Variants in GALNT7 observed in about 807,000 individuals in gnomAD.
The protein encoded by GALNT7 is N-acetylgalactosaminyltransferase 7.
Under a neutral mutation model 82.1 loss-of-function variants are expected in GALNT7, and 60 were observed. That is an observed-to-expected ratio of 0.73 (90% CI 0.59 to 0.91). The LOEUF (loss-of-function observed/expected upper bound fraction) is 0.91. Among genes scored for constraint, GALNT7 ranks in the 40% least tolerant of loss-of-function variants. GALNT7 has a pLI of 0.00. For missense variants in GALNT7, 660 were observed against 804.2 expected (o/e 0.82, Z 2.17); for synonymous variants, 243 against 275.1 (o/e 0.88, Z 1.15).
chr4:173,263,822 A>G (rs1007517134), intron 2 of GALNT7, among the ~76,000 whole-genome samples: 1 of 152,184 alleles, frequency 6.6e-6, no homozygotes, highest in African/African-American at 2.4e-5. Context: ...AGTTGTCCAT[A>G]TTTTTTAAAG....
rs1002999828 is a variant in GALNT7, at chr4:173,322,828, A to T, written c.*1111A>T. 1.3e-5 allele frequency: 2 copies of T among 152,132 alleles called. No homozygotes were observed. The highest frequency in any genetic ancestry group is 4.8e-5 in the African/African-American group (2 of 41,446). The allele number at this position is 152,132 out of a possible 1,614,324, so 9.4% of individuals were successfully genotyped here. On this transcript the variant is annotated 3_prime_UTR_variant, in exon 12 of 12. Coordinates refer to ENST00000265000, the MANE Select transcript of GALNT7 (RefSeq NM_017423.3). The stretch of plus-strand genomic sequence containing the variant: ...GATGTTTCATTTATATTTTCATCCA[A>T]ATGACATTATCTGCACGTTTTTAAA...
At chr4:173,172,241 T>C (rs1268751548) in intron 1 of GALNT7, among the ~76,000 whole-genome samples, 1 of 152,188 alleles carries the variant, frequency 6.6e-6, no homozygotes, top group Admixed American at 6.5e-5. Flanking sequence ...ATTCTTCCCT[T>C]GGGGTGGGCT....
chr4:173,254,566 A>C (rs1290746099), intron 2 of GALNT7, among the ~76,000 whole-genome samples: 1 of 152,216 alleles, frequency 6.6e-6, no homozygotes, highest in Non-Finnish European at 1.5e-5. Context: ...AAATATTTAG[A>C]ATATATAGAA....
intron 1 of GALNT7, among the ~76,000 whole-genome samples, chr4:173,201,670 A>C (rs1337762779): frequency 6.6e-6 from 1 of 152,212 alleles, no homozygotes; most frequent in Non-Finnish European, 1.5e-5. Context: ...GCAACAGGTG[A>C]TATCAGAGAG....
At chr4:173,294,925 T>A (rs1736665093) in intron 3 of GALNT7, among the ~76,000 whole-genome samples, 1 of 152,224 alleles carries the variant, frequency 6.6e-6, no homozygotes, top group South Asian at 2.1e-4. Context: ...CAACACTGAT[T>A]GTGGTTGGGG....
At chr4:173,176,309 T>C (rs1193803041) in intron 1 of GALNT7, among the ~76,000 whole-genome samples, 1 of 152,142 alleles carries the variant, frequency 6.6e-6, no homozygotes, top group East Asian at 1.9e-4. Context: ...TTGGAGGTAG[T>C]ACAGTACGGG....
At chr4:173,266,998 G>A (rs1460144357) in intron 2 of GALNT7, among the ~76,000 whole-genome samples, 1 of 150,486 alleles carries the variant, frequency 6.6e-6, no homozygotes, top group East Asian at 2.0e-4. Context: ...GAAGGAATAA[G>A]TTCTAATGGT....
At chr4:173,313,675 T>G (rs1024612400) in intron 8 of GALNT7, among the ~76,000 whole-genome samples, 4 of 151,954 alleles carry the variant, frequency 2.6e-5, no homozygotes, top group African/African-American at 9.7e-5. Flanking sequence ...AATTTATTCT[T>G]CTGTTAGCAG....
intron 2 of GALNT7, among the ~76,000 whole-genome samples, chr4:173,263,701 C>A (rs1253583332): frequency 6.6e-6 from 1 of 151,824 alleles, no homozygotes; most frequent in Admixed American, 6.6e-5. Context: ...GGGAACAAAA[C>A]CCAAGGGTTC....
intron 1 of GALNT7, among the ~76,000 whole-genome samples, chr4:173,209,750 C>T (rs181139726): frequency 2.8e-4 from 43 of 152,362 alleles, no homozygotes; most frequent in Admixed American, 1.4e-3. Flanking sequence ...GTCTATCCTT[C>T]GCCTGCCTGC....
chr4:173,248,775 AT>A (rs1734750888), intron 2 of GALNT7, among the ~76,000 whole-genome samples: 1 of 152,158 alleles, frequency 6.6e-6, no homozygotes, highest in South Asian at 2.1e-4. Flanking sequence ...ACTATTAAAT[AT>A]TTTGTTTAGT....
chr4:173,218,843 C>A lies in GALNT7; in HGVS notation c.127-29137C>A, dbSNP rs144649298. On this transcript the variant is annotated intron_variant, in intron 1 of 11. Transcript: ENST00000265000. The stretch of plus-strand genomic sequence containing the variant: ...TTTATTCAACCAGCATTTATTGACC[C>A]CCTGCTGGTTCTGGGTTTCCTCTCA... Among the ~76,000 whole-genome samples, 402 of 152,210 alleles carry A rather than the reference C, an allele frequency of 2.6e-3. 3 individuals carry two copies. Among genetic ancestry groups the A allele is most frequent in the African/African-American group, 9.1e-3 (377 of 41,514 alleles).
intron 8 of GALNT7, among the ~76,000 whole-genome samples, chr4:173,310,544 T>G (rs948017446): frequency 2.0e-5 from 3 of 152,200 alleles, no homozygotes; most frequent in Non-Finnish European, 4.4e-5. Context: ...TTAAAACGTT[T>G]TTATGGTTGT....
chr4:173,204,859 CTCTT>C (rs1388302637), intron 1 of GALNT7, among the ~76,000 whole-genome samples: 3 of 152,090 alleles, frequency 2.0e-5, no homozygotes, highest in African/African-American at 4.8e-5. Context: ...GGTATTATGT[CTCTT>C]TGTTTTTCAT....
chr4:173,227,660 T>G (rs1733880395), intron 1 of GALNT7, among the ~76,000 whole-genome samples: 1 of 152,192 alleles, frequency 6.6e-6, no homozygotes, highest in Non-Finnish European at 1.5e-5. Flanking sequence ...TGTGTGCCTC[T>G]TCACATAGAG....
chr4:173,321,556 C>T lies in GALNT7; in HGVS notation c.1837-24C>T, dbSNP rs749756064. 1.1e-5 allele frequency: 17 copies of T among 1,597,392 alleles called. No homozygotes were observed. In the South Asian group the frequency reaches 1.6e-4, roughly 15 times the overall value. ...TGATATCAAGGGTCCAAATTTGAAA[C>T]TTTTTTCTTACTGTGTTTTCCAGAA... On this transcript the variant is annotated intron_variant, in intron 11 of 11. Transcript: ENST00000265000.
chr4:173,179,253 G>A (rs1732172324), intron 1 of GALNT7, among the ~76,000 whole-genome samples: 1 of 152,290 alleles, frequency 6.6e-6, no homozygotes. Flanking sequence ...CTTTTTTGGA[G>A]CGAGTTCACT....
intron 2 of GALNT7, among the ~76,000 whole-genome samples, chr4:173,267,797 G>A (rs1735557974): frequency 6.6e-6 from 1 of 152,152 alleles, no homozygotes; most frequent in African/African-American, 2.4e-5. Context: ...TAAAGTTATT[G>A]TGGGTAACAA....
rs201305369 is a variant in GALNT7, at chr4:173,314,091, A to G, written c.1523A>G (p.Lys508Arg). Residue 508 changes from lysine (K) to arginine (R), a missense_variant, in exon 9 of 12, where the codon AAA becomes AGA. By Grantham distance (26) the Lys-to-Arg change is conservative. Transcript: ENST00000265000. ...AAATTTCGAGAAGATCACAACTGCA[A>G]AAGTTTTAAGTGGTTCATGGAAGAA... is the stretch of plus-strand genomic sequence containing the variant. ...LKKFREDHNC[K>R]SFKWFMEEIA... is the part of the protein sequence containing the mutation. 1.6e-4 allele frequency: 251 copies of G among 1,614,004 alleles called. 2 individuals carry two copies. In the East Asian group the frequency reaches 5.1e-3, roughly 33 times the overall value.
Sources: gnomAD v4.1 joint callset for allele counts (sites outside exome capture counted in the v4.1 genomes callset) on GRCh38, gnomAD v4.1.1 for gene constraint, MANE v1.5 for transcripts, NCBI Gene and HGNC (gene_info 2026-07-23, HGNC 2026-07-21) for gene names.